Variants in RUBCNL observed in about 807,000 individuals in gnomAD.
RUBCNL encodes the protein protein associated with UVRAG as autophagy enhancer.
RUBCNL carries 62 observed loss-of-function variants against 69.5 expected under a neutral mutation model. The observed-to-expected ratio is 0.89, with a 90% CI of 0.73 to 1.10. The LOEUF is 1.10. Among genes scored for constraint, RUBCNL ranks in the 50% least tolerant of loss-of-function variants. RUBCNL has a pLI of 0.00. For synonymous variants in RUBCNL, 291 were observed against 303.6 expected (o/e 0.96, Z 0.43); for missense variants, 768 against 798.1 (o/e 0.96, Z 0.45).
rs2048096367 is a variant in RUBCNL, at chr13:46,335,230, A to C, written c.*8155T>G. The stretch of plus-strand genomic sequence containing the variant: ...CTGGCACACACCATTGTGCCCAGCT[A>C]ATTTGTGTCTTTTTGTTGTTGTTGT... On this transcript the variant is annotated 3_prime_UTR_variant, in exon 15 of 15. Transcript: ENST00000429979. Among the ~76,000 whole-genome samples the C allele has an allele frequency of 6.9e-6, 1 of 144,822 alleles. No homozygotes were observed.
chr13:46,363,055 G>C (rs1197504692), intron 6 of RUBCNL, 60 bp downstream of exon 6: 7 of 923,200 alleles, frequency 7.6e-6, no homozygotes, highest in Non-Finnish European at 1.2e-5. Context: ...ATGTTAGTGT[G>C]TGTATGCGGA....
chr13:46,379,843 C>T (rs535712014), intron 1 of RUBCNL, among the ~76,000 whole-genome samples: 3 of 152,330 alleles, frequency 2.0e-5, no homozygotes, highest in African/African-American at 7.2e-5. Context: ...GGATCTACTT[C>T]TCTTCATGCT....
chr13:46,347,730 G>T (rs577567015), intron 12 of RUBCNL, among the ~76,000 whole-genome samples: 1 of 152,106 alleles, frequency 6.6e-6, no homozygotes, highest in Non-Finnish European at 1.5e-5. Context: ...GGTGGCTCAT[G>T]CCTGTAATCC....
At position 46,342,707 on chromosome 13, in the gene RUBCNL, C is replaced by G. The variant is rs951567291; in HGVS notation, c.*678G>C. On this transcript the variant is annotated 3_prime_UTR_variant, in exon 15 of 15. Coordinates refer to ENST00000429979, the MANE Select transcript of RUBCNL (RefSeq NM_025113.5). ...TCCCTTGACATTGCAGTGTGTGGAA[C>G]AGAGATGACAAATACAGGTTCAATT... 6.6e-6 allele frequency: 1 copy of G among 152,236 alleles called. No homozygotes were observed. Among genetic ancestry groups the G allele is most frequent in the East Asian group, 1.9e-4 (1 of 5,198 alleles). The allele number at this position is 152,236 out of a possible 1,614,324, so 9.4% of individuals were successfully genotyped here.
At chr13:46,355,094 G>C (rs1031074330) in intron 10 of RUBCNL, among the ~76,000 whole-genome samples, 13 of 152,138 alleles carry the variant, frequency 8.5e-5, no homozygotes, top group African/African-American at 3.1e-4. Flanking sequence ...ATTCCTGCTT[G>C]CTATTTTTAT....
chr13:46,375,716 AG>A, intron 2 of RUBCNL, among the ~76,000 whole-genome samples: 1 of 152,164 alleles, frequency 6.6e-6, no homozygotes, highest in Non-Finnish European at 1.5e-5. Context: ...ACTGTTCTTG[AG>A]ACTTTGAGTC....
intron 14 of RUBCNL, 65 bp from the exon 15 acceptor site, chr13:46,343,562 T>C (rs1177959697): frequency 3.3e-6 from 5 of 1,519,714 alleles, no homozygotes; most frequent in Middle Eastern, 2.3e-4. Flanking sequence ...TCTGCAGACA[T>C]TCGTCTCCAT....
intron 4 of RUBCNL, 49 bp from the exon 5 acceptor site, chr13:46,368,298 T>C (rs2048805003): frequency 6.5e-7 from 1 of 1,547,938 alleles, no homozygotes; most frequent in South Asian, 1.2e-5. Flanking sequence ...AACTTTTTCA[T>C]GGAGGGTATA....
At position 46,342,591 on chromosome 13, in the gene RUBCNL, T is replaced by G. The variant is rs2048161042; in HGVS notation, c.*794A>C. 6.6e-6 allele frequency: 1 copy of G among 152,198 alleles called. No homozygotes were observed. The highest frequency in any genetic ancestry group is 6.5e-5 in the Admixed American group (1 of 15,280). The allele number at this position is 152,198 out of a possible 1,614,324, so 9.4% of individuals were successfully genotyped here. A position where few individuals can be genotyped will look rare whatever the true frequency, so the allele number is the denominator to read the frequency against. On this transcript the variant is annotated 3_prime_UTR_variant, in exon 15 of 15. Transcript: ENST00000429979. ...CACACTGTTCATTATTTCCCCCAGT[T>G]CGTTTAAATCTGCAAATACCTTATG...
At chr13:46,363,395 C>T (rs2048676159) in intron 5 of RUBCNL, among the ~76,000 whole-genome samples, 182 bp from the exon 6 acceptor site, 1 of 152,104 alleles carries the variant, frequency 6.6e-6, no homozygotes, top group African/African-American at 2.4e-5. Context: ...TTTGCACTCA[C>T]TATGATTAAG....
In RUBCNL at chr13:46,342,507, T is replaced by G. The variant is rs2048159474; in HGVS notation, c.*878A>C. The G allele has an allele frequency of 1.3e-5, 2 of 152,200 alleles. No homozygotes were observed. The highest frequency in any genetic ancestry group is 4.8e-5 in the African/African-American group (2 of 41,446). 9.4% of individuals were successfully genotyped at this position (152,200 alleles called of 1,614,324 possible). On this transcript the variant is annotated 3_prime_UTR_variant, in exon 15 of 15. Coordinates refer to ENST00000429979, the MANE Select transcript of RUBCNL (RefSeq NM_025113.5). ...TTAGAAAAAAGAAATTCATAAAGGT[T>G]TTGTGATTCATTTAACCTTATTAGT...
chr13:46,386,083 G>A (rs569260887), intron 1 of RUBCNL, among the ~76,000 whole-genome samples: 20 of 152,190 alleles, frequency 1.3e-4, no homozygotes, highest in Middle Eastern at 6.8e-3. Context: ...TTCTGTCGGC[G>A]GCCGGCAGTG....
Position 46,367,779 on chromosome 13 carries a change from C to T in RUBCNL, c.826+263G>A, listed in dbSNP as rs115989652. ...CTGAGTAGGATGATGAACTCCCACACGTCTTGCCATGTCCCCTCTGGAACA... is the reference window on the plus strand; with the variant it reads ...CTGAGTAGGATGATGAACTCCCACATGTCTTGCCATGTCCCCTCTGGAACA... On this transcript the variant is annotated intron_variant, in intron 5 of 14. Coordinates refer to ENST00000429979, the MANE Select transcript of RUBCNL (RefSeq NM_025113.5). 7.9e-3 allele frequency among the ~76,000 whole-genome samples: 1,202 copies of T among 152,260 alleles called. 20 individuals are homozygous for T. Among genetic ancestry groups the T allele is most frequent in the African/African-American group, 0.028 (1,154 of 41,526 alleles).
At position 46,342,237 on chromosome 13, in the gene RUBCNL, T is replaced by G. The variant is rs2048153255; in HGVS notation, c.*1148A>C. On this transcript the variant is annotated 3_prime_UTR_variant, in exon 15 of 15. Coordinates refer to ENST00000429979, the MANE Select transcript of RUBCNL (RefSeq NM_025113.5). ...ACTCATACACATGGCTGGATGGGGT[T>G]AGGGGACAATCTGTGACGCTTTATT... 1 of 152,188 alleles carries G rather than the reference T, an allele frequency of 6.6e-6. No individual in the cohort carries two copies. Among genetic ancestry groups the G allele is most frequent in the Non-Finnish European group, 1.5e-5 (1 of 68,048 alleles). 9.4% of individuals were successfully genotyped at this position (152,188 alleles called of 1,614,324 possible).
rs75121377 is a variant in RUBCNL, at chr13:46,362,324, T to C, written c.986+214A>G. Among the ~76,000 whole-genome samples the C allele has an allele frequency of 2.9e-4, 44 of 152,314 alleles. No homozygotes were observed. In the East Asian group the frequency reaches 8.1e-3, roughly 28 times the overall value. ...CTGTTTAACTGAAATGAGGATTAAA[T>C]GAAAATGCATACAAAAGCCTTTTAT... On this transcript the variant is annotated intron_variant, in intron 7 of 14. Transcript: ENST00000429979.
intron 10 of RUBCNL, among the ~76,000 whole-genome samples, chr13:46,353,578 G>A (rs960383236): frequency 1.3e-5 from 2 of 152,230 alleles, no homozygotes; most frequent in Non-Finnish European, 2.9e-5. Flanking sequence ...GCCATTTTCA[G>A]TGGCCACTGG....
At chr13:46,383,445 C>G (rs1219569518) in intron 1 of RUBCNL, among the ~76,000 whole-genome samples, 1 of 152,198 alleles carries the variant, frequency 6.6e-6, no homozygotes, top group Non-Finnish European at 1.5e-5. Context: ...TCTTCTGACA[C>G]CTTCCTCCTC....
chr13:46,356,197 C>T (rs1452818121), intron 10 of RUBCNL, among the ~76,000 whole-genome samples: 1 of 152,200 alleles, frequency 6.6e-6, no homozygotes, highest in Non-Finnish European at 1.5e-5. Context: ...GTGGCTGGAG[C>T]TGATGCCCAA....
rs2048657605 is a variant in RUBCNL at position 46,362,949 on chromosome 13, T to TATATATATATATATAC, written c.925+165_925+166insGTATATATATATATAT. Among the ~76,000 whole-genome samples, 4 of 63,476 alleles carry TATATATATATATATAC rather than the reference T, an allele frequency of 6.3e-5. No homozygotes were observed. In the East Asian group the frequency reaches 1.9e-3, roughly 30 times the overall value. The allele number at this position is 63,476 out of a possible 152,430, so 41.6% of individuals were successfully genotyped here. A position where few individuals can be genotyped will look rare whatever the true frequency, so the allele number is the denominator to read the frequency against. ...ATATATATATATATAGATATATATA[T>TATATATATATATATAC]ATATATATATATATATATATATATA... On this transcript the variant is annotated intron_variant, in intron 6 of 14. Transcript: ENST00000429979.
Sources: allele counts gnomAD v4.1 joint callset (sites outside exome capture counted in the v4.1 genomes callset), GRCh38; gene constraint gnomAD v4.1.1; transcripts MANE v1.5; gene names NCBI Gene and HGNC (gene_info 2026-07-23, HGNC 2026-07-21).